The following ROBO1 variants were observed in gnomAD, a reference collection of about 807,000 sequenced individuals.
The protein encoded by ROBO1 is roundabout guidance receptor 1.
ROBO1 carries 149 observed loss-of-function variants against 195.9 expected under a neutral mutation model. The ratio of observed to expected loss-of-function variants is 0.76; its 90% CI spans 0.67 to 0.87. The LOEUF (loss-of-function observed/expected upper bound fraction) is 0.87, where lower values mean the gene tolerates loss of function less well. Among genes scored for constraint, ROBO1 ranks in the 40% least tolerant of loss-of-function variants. The probability of loss-of-function intolerance (pLI) is 0.00; values close to 1 mark genes in which losing one functional copy is unlikely to be tolerated. For synonymous variants in ROBO1, 816 were observed against 733.2 expected, an observed-to-expected ratio of 1.11 and a Z score of -1.82; for missense variants, 1,933 against 2,068.3, an observed-to-expected ratio of 0.93 and a Z score of 1.27.
In ROBO1 at chr3:78,904,641, G is replaced by A. The variant is rs117429676; in HGVS notation, c.499+33960C>T. On this transcript the variant is annotated intron_variant, in intron 4 of 30. Transcript: ENST00000464233. ...AAAAAATGGCAAGAATCATCCAAGAGAACTCAAGTCCTCTGGGTTTGTCTG... is the reference window on the plus strand; with the variant it reads ...AAAAAATGGCAAGAATCATCCAAGAAAACTCAAGTCCTCTGGGTTTGTCTG... 4.9e-4 allele frequency among the ~76,000 whole-genome samples: 73 copies of A among 149,612 alleles called. No individual in the cohort carries two copies. The East Asian group carries it at 0.012, about 25-fold the overall frequency.
chr3:79,536,373 G>A (rs533296900), intron 2 of ROBO1, among the ~76,000 whole-genome samples: 4 of 152,186 alleles, frequency 2.6e-5, no homozygotes, highest in Admixed American at 2.0e-4. Context: ...ATCATGCACT[G>A]TCGCCTTATG....
chr3:78,760,849 G>C (rs549170637), intron 4 of ROBO1, among the ~76,000 whole-genome samples: 1 of 151,768 alleles, frequency 6.6e-6, no homozygotes, highest in South Asian at 2.1e-4. Context: ...ACTTTGTTGC[G>C]TGGGTTAGTC....
At chr3:79,747,616 A>G (rs751145027) in intron 1 of ROBO1, among the ~76,000 whole-genome samples, 2 of 152,064 alleles carry the variant, frequency 1.3e-5, no homozygotes, top group African/African-American at 2.4e-5. Flanking sequence ...ACAAGAAACT[A>G]TAGTTCCTCT....
intron 21 of ROBO1, among the ~76,000 whole-genome samples, chr3:78,642,649 A>G (rs1251894560): frequency 1.3e-5 from 2 of 152,184 alleles, no homozygotes; most frequent in African/African-American, 2.4e-5. Flanking sequence ...TTTTTTGGAC[A>G]CATTGCCTGG....
At chr3:79,110,232 C>T (rs72894178) in intron 3 of ROBO1, among the ~76,000 whole-genome samples, 1,671 of 152,100 alleles carry the variant, frequency 0.011, 36 homozygotes, top group African/African-American at 0.038. Context: ...GAATTGGGCA[C>T]ATTTTACACT....
intron 10 of ROBO1, chr3:78,670,577 T>C: frequency 2.7e-6 from 1 of 369,640 alleles, no homozygotes; most frequent in Non-Finnish European, 5.0e-6. Context: ...ATTAGGATTG[T>C]GGATGGTGAA....
chr3:79,615,843 G>A (rs537519717), intron 1 of ROBO1, among the ~76,000 whole-genome samples: 8 of 152,272 alleles, frequency 5.3e-5, no homozygotes, highest in South Asian at 2.1e-4. Flanking sequence ...ACATTTTACC[G>A]TATAAAAATA....
At chr3:78,967,098 A>G (rs1344485906) in intron 3 of ROBO1, among the ~76,000 whole-genome samples, 1 of 152,084 alleles carries the variant, frequency 6.6e-6, no homozygotes, top group African/African-American at 2.4e-5. Context: ...TCCTTTTCCT[A>G]GTGACTGTTT....
intron 3 of ROBO1, among the ~76,000 whole-genome samples, chr3:78,952,030 T>C (rs2040820143): frequency 1.3e-5 from 2 of 151,662 alleles, no homozygotes; most frequent in African/African-American, 4.8e-5. Context: ...ATGACATTAA[T>C]ATTTACCTTA....
At chr3:78,707,037 CA>C (rs1478454953) in intron 8 of ROBO1, among the ~76,000 whole-genome samples, 1 of 152,142 alleles carries the variant, frequency 6.6e-6, no homozygotes, top group Non-Finnish European at 1.5e-5. Flanking sequence ...CCTGAGTTAG[CA>C]GAAACTTAAA....
Position 78,661,113 on chromosome 3 carries a change from T to C in ROBO1, c.2237A>G (p.Asn746Ser), listed in dbSNP as rs748714598. ...VVIPDLRKGV[N>S]YEIKARPFFN... is the part of the protein sequence containing the mutation. The stretch of plus-strand genomic sequence containing the variant: ...AAAAGGGCGAGCCTTAATTTCATAG[T>C]TGACTCCCTTTCTGAGATCAGGGAT... Residue 746 changes from asparagine to serine, a missense_variant, in exon 16 of 31, where the codon AAC (asparagine) becomes AGC (serine). Around this residue, in one of 3 missense-constraint regions of ROBO1, gnomAD observed 1,737 missense variants for 1,882.5 expected, o/e 0.92. Transcript: ENST00000464233. The C allele has an allele frequency of 3.7e-6, 6 of 1,613,812 alleles. No individual in the cohort carries two copies. The South Asian group carries it at 5.5e-5, about 15-fold the overall frequency.
intron 3 of ROBO1, among the ~76,000 whole-genome samples, chr3:78,993,226 G>T (rs956170741): frequency 6.6e-6 from 1 of 152,132 alleles, no homozygotes; most frequent in African/African-American, 2.4e-5. Context: ...ATGATAAAAA[G>T]ATTAATTTTA....
intron 2 of ROBO1, among the ~76,000 whole-genome samples, chr3:79,524,486 G>T (rs1459601521): frequency 1.3e-5 from 2 of 151,954 alleles, no homozygotes; most frequent in Non-Finnish European, 2.9e-5. Flanking sequence ...ATATGTATGT[G>T]CATATGTCTA....
chr3:79,448,690 T>C (rs528987945), intron 2 of ROBO1, among the ~76,000 whole-genome samples: 15 of 152,278 alleles, frequency 9.9e-5, no homozygotes, highest in Admixed American at 2.6e-4. Flanking sequence ...TTTTCTTCTT[T>C]TAGTAATATC....
chr3:78,689,131 T>C (rs2081115419), intron 8 of ROBO1, among the ~76,000 whole-genome samples: 2 of 152,232 alleles, frequency 1.3e-5, no homozygotes, highest in Admixed American at 6.5e-5. Flanking sequence ...TGAGCTTTAA[T>C]CATACACACA....
intron 1 of ROBO1, among the ~76,000 whole-genome samples, chr3:79,722,773 G>A (rs1214253420): frequency 6.6e-6 from 1 of 152,088 alleles, no homozygotes; most frequent in East Asian, 1.9e-4. Flanking sequence ...TGTTTTGATG[G>A]CTTATATATA....
intron 1 of ROBO1, among the ~76,000 whole-genome samples, chr3:79,745,192 C>T (rs1703821519): frequency 6.6e-6 from 1 of 152,094 alleles, no homozygotes; most frequent in African/African-American, 2.4e-5. Flanking sequence ...CCTTGGTTGT[C>T]CCTGCTCTGC....
chr3:78,966,385 T>A (rs1401294818), intron 3 of ROBO1, among the ~76,000 whole-genome samples: 2 of 152,220 alleles, frequency 1.3e-5, no homozygotes, highest in East Asian at 3.8e-4. Flanking sequence ...AAAATCTTAA[T>A]TTGTATCTAC....
At position 78,779,166 on chromosome 3, in the gene ROBO1, C is replaced by CTT. The variant is rs2083595034; in HGVS notation, c.500-32267_500-32266insAA. Among the ~76,000 whole-genome samples the CTT allele has an allele frequency of 2.0e-5, 3 of 151,934 alleles. No homozygotes were observed. In the South Asian group the frequency reaches 6.2e-4, roughly 32 times the overall value. On this transcript the variant is annotated intron_variant, in intron 4 of 30. Coordinates refer to ENST00000464233, the MANE Select transcript of ROBO1 (RefSeq NM_002941.4). ...ACCATAAAAACCCTAGAAGAAAATGCAGGCAATACCATTCAGGACATAGGC... is the reference window on the plus strand; with the variant it reads ...ACCATAAAAACCCTAGAAGAAAATGCTTAGGCAATACCATTCAGGACATAGGC...
Sources: allele counts gnomAD v4.1 joint callset (sites outside exome capture counted in the v4.1 genomes callset), GRCh38; gene constraint gnomAD v4.1.1; regional missense constraint gnomAD v4.1.1; transcripts MANE v1.5; gene names NCBI Gene and HGNC (gene_info 2026-07-23, HGNC 2026-07-21).